Variants in HDAC9 observed in about 807,000 individuals in gnomAD.
HDAC9 encodes MEF-2 interacting transcription repressor (MITR) protein.
Under a neutral mutation model 139.4 loss-of-function variants are expected in HDAC9, and 41 were observed. That is an observed-to-expected ratio of 0.29 (90% CI 0.23 to 0.38). The LOEUF is 0.38. HDAC9 is among the 10% of genes least tolerant of loss of function. The pLI, the probability that HDAC9 is intolerant of heterozygous loss-of-function variation, is 1.00. For missense variants in HDAC9, 1,147 were observed against 1,297.0 expected (o/e 0.88, Z 1.78); for synonymous variants, 517 against 476.2 (o/e 1.09, Z -1.12).
At chr7:18,253,571 A>T (rs1179592267) in intron 2 of HDAC9, among the ~76,000 whole-genome samples, 2 of 152,070 alleles carry the variant, frequency 1.3e-5, no homozygotes, top group Non-Finnish European at 2.9e-5. Context: ...GTGTCTGTTC[A>T]TGTCCTTTGC....
intron 12 of HDAC9, among the ~76,000 whole-genome samples, chr7:18,721,929 C>G (rs1032974344): frequency 6.6e-6 from 1 of 152,140 alleles, no homozygotes; most frequent in Non-Finnish European, 1.5e-5. Context: ...TACCCACTTT[C>G]AAATGATGGC....
At chr7:18,352,682 AT>A (rs1371807530) in intron 1 of HDAC9, among the ~76,000 whole-genome samples, 1 of 152,066 alleles carries the variant, frequency 6.6e-6, no homozygotes, top group Non-Finnish European at 1.5e-5. Context: ...AGCATGCTAG[AT>A]TCAGGGAAAA....
intron 1 of HDAC9, among the ~76,000 whole-genome samples, chr7:18,159,804 T>G (rs1248162036): frequency 6.6e-6 from 1 of 152,186 alleles, no homozygotes; most frequent in African/African-American, 2.4e-5. Flanking sequence ...TAAAAGAGTA[T>G]TCAGATAACA....
chr7:18,259,967 A>G (rs1042200854), intron 2 of HDAC9, among the ~76,000 whole-genome samples: 5 of 152,156 alleles, frequency 3.3e-5, no homozygotes, highest in Admixed American at 6.5e-5. Context: ...CCCATATCAT[A>G]CTGATATGTA....
Position 18,388,560 on chromosome 7 carries a change from C to T in HDAC9, c.-42+98045C>T, listed in dbSNP as rs139754283. Among the ~76,000 whole-genome samples, 289 of 152,280 alleles carry T rather than the reference C, an allele frequency of 1.9e-3. 1 individual carries two copies. Among genetic ancestry groups the T allele is most frequent in the African/African-American group, 6.4e-3 (264 of 41,552 alleles). On this transcript the variant is annotated intron_variant, in intron 1 of 3. Transcript: ENST00000413509. ...TACTTTAGTTCCCTCAGAAATTTAA[C>T]AGGTTCTGATATATTGCTTCTAGTC...
chr7:18,159,305 A>G (rs764594337), intron 1 of HDAC9, among the ~76,000 whole-genome samples: 1 of 152,062 alleles, frequency 6.6e-6, no homozygotes, highest in South Asian at 2.1e-4. Flanking sequence ...CGAGTTTCCT[A>G]TTATTTCTAG....
Position 18,342,704 on chromosome 7 carries a change from C to A in HDAC9, c.-42+52189C>A, listed in dbSNP as rs530584199. Reference sequence around the variant, plus strand: ...GTAATGGTATAAATCACTGAATAGACACATTGCAAACACCCAATAAATTAC... The same window carrying A: ...GTAATGGTATAAATCACTGAATAGAAACATTGCAAACACCCAATAAATTAC... On this transcript the variant is annotated intron_variant, in intron 1 of 3. Transcript: ENST00000413509. Among the ~76,000 whole-genome samples the A allele has an allele frequency of 2.0e-5, 3 of 151,966 alleles. No homozygotes were observed. The South Asian group carries it at 6.2e-4, about 32-fold the overall frequency.
intron 14 of HDAC9, among the ~76,000 whole-genome samples, chr7:18,757,954 T>C (rs543317624): frequency 2.6e-5 from 4 of 152,308 alleles, no homozygotes; most frequent in Admixed American, 2.0e-4. Context: ...GAATATAGAC[T>C]GTTTAGGGTT....
At chr7:18,161,990 C>T (rs761443721) in intron 1 of HDAC9, among the ~76,000 whole-genome samples, 5 of 151,992 alleles carry the variant, frequency 3.3e-5, no homozygotes, top group Non-Finnish European at 7.4e-5. Context: ...CTCACTGATT[C>T]CTTCTATACC....
chr7:18,658,732 C>T (rs1325953878), intron 11 of HDAC9, among the ~76,000 whole-genome samples: 1 of 152,014 alleles, frequency 6.6e-6, no homozygotes, highest in Non-Finnish European at 1.5e-5. Context: ...TGAAAGCCCT[C>T]CAAGCTCTGC....
intron 11 of HDAC9, among the ~76,000 whole-genome samples, chr7:18,664,475 TATC>T (rs948132786): frequency 2.6e-5 from 4 of 152,246 alleles, no homozygotes; most frequent in African/African-American, 9.6e-5. Context: ...TTATAAATTG[TATC>T]ATCTACTTTA....
intron 17 of HDAC9, among the ~76,000 whole-genome samples, chr7:18,824,997 A>C (rs1795305287): frequency 6.6e-6 from 1 of 152,226 alleles, no homozygotes; most frequent in Non-Finnish European, 1.5e-5. Context: ...AAGAGAACTC[A>C]TTGGTCTCTG....
intron 12 of HDAC9, among the ~76,000 whole-genome samples, chr7:18,686,547 C>G (rs114070346): frequency 0.014 from 2,108 of 151,936 alleles, 40 homozygotes; most frequent in African/African-American, 0.048. Context: ...ATATTACATA[C>G]TTGATGTGGA....
At chr7:18,185,579 C>G (rs1484686156) in intron 2 of HDAC9, among the ~76,000 whole-genome samples, 1 of 152,154 alleles carries the variant, frequency 6.6e-6, no homozygotes, top group Non-Finnish European at 1.5e-5. Flanking sequence ...AATATTGTTA[C>G]AAGCATAGAT....
At chr7:18,698,323 A>G (rs1012615234) in intron 12 of HDAC9, among the ~76,000 whole-genome samples, 26 of 152,156 alleles carry the variant, frequency 1.7e-4, no homozygotes, top group African/African-American at 6.0e-4. Flanking sequence ...TCCGTTTGAG[A>G]TCAGTTCTGT....
intron 2 of HDAC9, among the ~76,000 whole-genome samples, chr7:18,584,521 G>A (rs1018854758): frequency 2.6e-5 from 4 of 152,126 alleles, no homozygotes; most frequent in African/African-American, 4.8e-5. Context: ...ATTATCATCT[G>A]TAGTTATTCT....
intron 1 of HDAC9, among the ~76,000 whole-genome samples, chr7:18,160,132 T>C (rs982225619): frequency 2.6e-5 from 4 of 152,218 alleles, no homozygotes; most frequent in African/African-American, 9.6e-5. Flanking sequence ...CAAGTATCAA[T>C]TGTGCAAAGT....
chr7:18,094,475 C>T (rs1782372985), intron 1 of HDAC9, among the ~76,000 whole-genome samples: 2 of 144,606 alleles, frequency 1.4e-5, no homozygotes, highest in Non-Finnish European at 3.0e-5. Flanking sequence ...GGGTCTTGCT[C>T]TACTCCCAAG....
chr7:18,572,790 C>T (rs974244167), intron 2 of HDAC9, among the ~76,000 whole-genome samples: 1 of 152,076 alleles, frequency 6.6e-6, no homozygotes, highest in African/African-American at 2.4e-5. Context: ...GATTTTGTTT[C>T]CGTAGTGCAA....
Sources: allele counts gnomAD v4.1 joint callset (sites outside exome capture counted in the v4.1 genomes callset), GRCh38; gene constraint gnomAD v4.1.1; transcripts MANE v1.5; gene names NCBI Gene and HGNC (gene_info 2026-07-23, HGNC 2026-07-21).